Variants in BCAT1 observed in about 807,000 individuals in gnomAD.
The protein encoded by BCAT1 is branched-chain-amino-acid aminotransferase, cytosolic.
In BCAT1, 48 loss-of-function variants were observed where a neutral mutation model predicts 52.4. That is an observed-to-expected ratio of 0.92 (90% CI 0.73 to 1.16). BCAT1 has a LOEUF of 1.16. Among genes scored for constraint, BCAT1 ranks in the 50% most tolerant of loss-of-function variants. The pLI, the probability that BCAT1 is intolerant of heterozygous loss-of-function variation, is 0.00. For synonymous variants in BCAT1, 167 were observed against 161.3 expected, an observed-to-expected ratio of 1.04 and a Z score of -0.27; for missense variants, 451 against 457.1, an observed-to-expected ratio of 0.99 and a Z score of 0.12.
chr12:24,901,742 G>C, intron 2 of BCAT1, 72 bp downstream of exon 2: 1 of 1,490,024 alleles, frequency 6.7e-7, no homozygotes, highest in Non-Finnish European at 9.2e-7. Flanking sequence ...AAATTTCCCC[G>C]AATCTCAACA....
rs1028936516 is a variant in BCAT1, at chr12:24,836,864, G to A, written c.818-268C>T. 1.1e-4 allele frequency among the ~76,000 whole-genome samples: 13 copies of A among 122,346 alleles called. 2 individuals are homozygous for A. The highest frequency in any genetic ancestry group is 5.8e-4 in the Admixed American group (6 of 10,330). 80.3% of individuals were successfully genotyped at this position (122,346 alleles called of 152,430 possible). ...AGAGAGAGAGAAAGAAAGGAAGGAA[G>A]GAAGGAAAGAGAAAGAGAAAGAAAG... On this transcript the variant is annotated intron_variant, in intron 7 of 10. Coordinates refer to ENST00000261192, the MANE Select transcript of BCAT1 (RefSeq NM_005504.7).
intron 1 of BCAT1, among the ~76,000 whole-genome samples, chr12:24,907,907 C>G (rs193001251): frequency 6.6e-6 from 1 of 152,304 alleles, no homozygotes; most frequent in Non-Finnish European, 1.5e-5. Context: ...TCACACAAAG[C>G]CTGTTTGGTG....
intron 3 of BCAT1, among the ~76,000 whole-genome samples, chr12:24,887,080 A>AAAAAAAATATATAT (rs1245203518): frequency 4.9e-5 from 2 of 40,746 alleles, no homozygotes; most frequent in East Asian, 7.6e-4. Flanking sequence ...AAAAAAAAAA[A>AAAAAAAATATATAT]ATATATATAT....
chr12:24,865,089 C>T (rs946956913), intron 5 of BCAT1, among the ~76,000 whole-genome samples: 2 of 152,336 alleles, frequency 1.3e-5, no homozygotes, highest in South Asian at 4.1e-4. Context: ...TCATCTCTAT[C>T]TACAGTTCTC....
chr12:24,841,353 G>A (rs776597976), intron 7 of BCAT1, among the ~76,000 whole-genome samples: 8 of 152,132 alleles, frequency 5.3e-5, no homozygotes, highest in Non-Finnish European at 7.3e-5. Context: ...AGTAGAATCA[G>A]TACACTGCAT....
At chr12:24,871,107 A>T (rs111573767) in intron 5 of BCAT1, among the ~76,000 whole-genome samples, 2 of 150,986 alleles carry the variant, frequency 1.3e-5, no homozygotes, top group Admixed American at 6.6e-5. Flanking sequence ...GTCACTTCTG[A>T]TGCCAGACGA....
intron 1 of BCAT1, among the ~76,000 whole-genome samples, chr12:24,908,507 C>A (rs1001980087): frequency 2.6e-5 from 4 of 152,134 alleles, no homozygotes; most frequent in Middle Eastern, 3.2e-3. Context: ...GAGGGTGAGG[C>A]AAGTGGGCAG....
chr12:24,893,351 A>G (rs1942889285), intron 3 of BCAT1, among the ~76,000 whole-genome samples: 1 of 152,180 alleles, frequency 6.6e-6, no homozygotes, highest in African/African-American at 2.4e-5. Context: ...AGATATTATA[A>G]CTACCCCAAT....
intron 5 of BCAT1, among the ~76,000 whole-genome samples, chr12:24,874,093 C>T (rs1445458683): frequency 6.6e-6 from 1 of 152,104 alleles, no homozygotes; most frequent in Admixed American, 6.5e-5. Flanking sequence ...GTGGGCAGAA[C>T]ACCTGAGGTC....
intron 3 of BCAT1, among the ~76,000 whole-genome samples, chr12:24,890,071 ATCC>A (rs1369589268): frequency 6.6e-6 from 1 of 152,218 alleles, no homozygotes; most frequent in Non-Finnish European, 1.5e-5. Flanking sequence ...ACTTTGCAGT[ATCC>A]TTTATAATAA....
Position 24,855,532 on chromosome 12 carries a change from C to T in BCAT1, c.511-5583G>A, listed in dbSNP as rs1941651504. 3.9e-5 allele frequency among the ~76,000 whole-genome samples: 6 copies of T among 152,154 alleles called. 1 individual carries two copies. The highest frequency in any genetic ancestry group is 3.9e-4 in the Admixed American group (6 of 15,294). On this transcript the variant is annotated intron_variant, in intron 5 of 10. Transcript: ENST00000261192. ...AGGAGCTGGGATTACAGGCGTGCAC[C>T]ACCACACCCGGCTAGTTTTTGTATT...
chr12:24,837,484 T>C (rs531140713), intron 7 of BCAT1, among the ~76,000 whole-genome samples: 64 of 147,086 alleles, frequency 4.4e-4, no homozygotes, highest in African/African-American at 1.6e-3. Context: ...TGGAGTGCAG[T>C]GGCACCATCT....
intron 5 of BCAT1, among the ~76,000 whole-genome samples, chr12:24,868,806 T>C (rs2139552388): frequency 6.6e-6 from 1 of 152,314 alleles, no homozygotes; most frequent in South Asian, 2.1e-4. Context: ...TAAGTACTTC[T>C]GTTCATCAAA....
intron 6 of BCAT1, among the ~76,000 whole-genome samples, chr12:24,844,894 C>CAAAGAAAA (rs1941293965): frequency 2.8e-5 from 1 of 36,002 alleles, no homozygotes; most frequent in Non-Finnish European, 5.1e-5. Flanking sequence ...GAGACTGTCT[C>CAAAGAAAA]AAAAAAAAAA....
chr12:24,854,631 C>T (rs1321208179), intron 5 of BCAT1, among the ~76,000 whole-genome samples: 1 of 152,016 alleles, frequency 6.6e-6, no homozygotes, highest in East Asian at 1.9e-4. Flanking sequence ...GCTGAAAGAT[C>T]AAAAAATAAT....
At chr12:24,834,129 C>T in intron 8 of BCAT1, 3 of 979,662 alleles carry the variant, frequency 3.1e-6, no homozygotes, top group Non-Finnish European at 3.6e-6. Context: ...CACGGCTTAC[C>T]TATATCTTTT....
intron 2 of BCAT1, among the ~76,000 whole-genome samples, chr12:24,897,788 A>C (rs1220404824): frequency 6.6e-6 from 1 of 152,176 alleles, no homozygotes; most frequent in Non-Finnish European, 1.5e-5. Flanking sequence ...TCCTGACCTC[A>C]GGTGACCCAC....
chr12:24,914,150 C>G (rs1253540316), intron 1 of BCAT1, among the ~76,000 whole-genome samples: 1 of 150,600 alleles, frequency 6.6e-6, no homozygotes, highest in Non-Finnish European at 1.5e-5. Flanking sequence ...GTCATAATCT[C>G]AGCTCACTGC....
intron 1 of BCAT1, among the ~76,000 whole-genome samples, chr12:24,930,393 C>A (rs185276345): frequency 5.4e-4 from 82 of 152,294 alleles, no homozygotes; most frequent in African/African-American, 1.9e-3. Context: ...TAGTTCATGA[C>A]GTCTTTGCTC....
Sources: allele counts gnomAD v4.1 joint callset (sites outside exome capture counted in the v4.1 genomes callset), GRCh38; gene constraint gnomAD v4.1.1; transcripts MANE v1.5; gene names NCBI Gene and HGNC (gene_info 2026-07-23, HGNC 2026-07-21).